The following SKI variants were observed in gnomAD, a reference collection of about 807,000 sequenced individuals.
The protein encoded by SKI is SKI proto-oncogene, also known as ski oncogene.
In SKI, 23 loss-of-function variants were observed where a neutral mutation model predicts 59.3. The observed-to-expected ratio is 0.39, with a 90% CI of 0.28 to 0.55. The LOEUF (loss-of-function observed/expected upper bound fraction) is 0.55, where lower values mean the gene tolerates loss of function less well. Among genes scored for constraint, SKI ranks in the 20% least tolerant of loss-of-function variants. The probability of loss-of-function intolerance (pLI) is 0.67; values close to 1 mark genes in which losing one functional copy is unlikely to be tolerated. For missense variants in SKI, 1,017 were observed against 1,038.9 expected (o/e 0.98, Z 0.29); for synonymous variants, 673 against 488.6 (o/e 1.38, Z -4.98).
rs767973122 is a variant in SKI, at chr1:2,229,189, G to A, written c.423G>A (p.Ala141=). ...LRDFSLQQIN[A]VCDELHIYCS... The stretch of plus-strand genomic sequence containing the variant: ...ACTTCTCGCTGCAGCAGATCAACGC[G>A]GTGTGCGACGAGCTCCACATCTACT... Residue 141 remains alanine (A), a synonymous_variant, in exon 1 of 7, where the codon GCG becomes GCA. Coordinates refer to ENST00000378536, the MANE Select transcript of SKI (RefSeq NM_003036.4). The surrounding 1 kb of genome is among the most constrained non-coding windows in gnomAD (Gnocchi z 6.3). 1.9e-6 allele frequency: 3 copies of A among 1,610,898 alleles called. No homozygotes were observed. In the South Asian group the frequency reaches 3.3e-5, roughly 18 times the overall value.
At chr1:2,231,731 C>T (rs1638642829) in intron 1 of SKI, among the ~76,000 whole-genome samples, 1 of 152,250 alleles carries the variant, frequency 6.6e-6, no homozygotes, top group African/African-American at 2.4e-5. Context: ...CAGCCTGGCC[C>T]TGGCAGTGGT....
chr1:2,260,475 T>C (rs2100837311), intron 1 of SKI, among the ~76,000 whole-genome samples: 1 of 151,996 alleles, frequency 6.6e-6, no homozygotes, highest in African/African-American at 2.4e-5. Context: ...TGAACGGTGT[T>C]TTTTGAAGAG....
At chr1:2,257,659 G>A (rs1236968454) in intron 1 of SKI, among the ~76,000 whole-genome samples, 2 of 152,164 alleles carry the variant, frequency 1.3e-5, no homozygotes, top group African/African-American at 2.4e-5. Context: ...CTTTCCTCAT[G>A]CTTTTGAATT....
At chr1:2,232,121 C>T (rs1384880332) in intron 1 of SKI, among the ~76,000 whole-genome samples, 1 of 152,256 alleles carries the variant, frequency 6.6e-6, no homozygotes, top group Non-Finnish European at 1.5e-5. Context: ...CCGTTGGCTC[C>T]TCCCACTCGT....
rs766957830 is a variant in SKI, at chr1:2,229,309, C to T, written c.543C>T (p.Asp181=). The T allele has an allele frequency of 6.3e-6, 10 of 1,595,346 alleles. No homozygotes were observed. Among genetic ancestry groups the T allele is most frequent in the African/African-American group, 4.0e-5 (3 of 74,514 alleles). ...CGTGCGGGCTCATCACCAAGACGGA[C>T]GCCGAGCGCCTGTGCAACGCGCTGC... ...APSCGLITKT[D]AERLCNALLY... is the part of the protein sequence containing the mutation. Residue 181 remains aspartate (D), a synonymous_variant, in exon 1 of 7, where the codon GAC becomes GAT. Transcript: ENST00000378536. This position sits in a 1 kb window ranked among gnomAD's most constrained non-coding sequence, Gnocchi z 6.3.
chr1:2,240,790 C>T, intron 1 of SKI: 2 of 985,442 alleles, frequency 2.0e-6, no homozygotes, highest in Non-Finnish European at 2.4e-6. Flanking sequence ...GTTCGTGAGT[C>T]AGGTGAGAGG....
intron 1 of SKI, among the ~76,000 whole-genome samples, chr1:2,288,253 C>T (rs927755334): frequency 9.9e-5 from 15 of 152,254 alleles, no homozygotes; most frequent in African/African-American, 3.4e-4. Flanking sequence ...TCCCAAATAG[C>T]TGGGATTACA....
At position 2,265,903 on chromosome 1, in the gene SKI, G is replaced by C. The variant is rs575056678; in HGVS notation, c.969+36168G>C. On this transcript the variant is annotated intron_variant, in intron 1 of 6. Coordinates refer to ENST00000378536, the MANE Select transcript of SKI (RefSeq NM_003036.4). ...GGATCATTTGAACCCGGGAGGTGGAGGTTGCAGTGAGCTTCAATCGCGCCA... is the reference window on the plus strand; with the variant it reads ...GGATCATTTGAACCCGGGAGGTGGACGTTGCAGTGAGCTTCAATCGCGCCA... 2.0e-5 allele frequency among the ~76,000 whole-genome samples: 3 copies of C among 152,210 alleles called. No homozygotes were observed. In the South Asian group the frequency reaches 6.2e-4, roughly 32 times the overall value.
chr1:2,259,537 T>A (rs1179485635), intron 1 of SKI, among the ~76,000 whole-genome samples: 1 of 152,222 alleles, frequency 6.6e-6, no homozygotes, highest in Non-Finnish European at 1.5e-5. Flanking sequence ...GCTGTGTAGT[T>A]ATTTTTTAAA....
Position 2,229,129 on chromosome 1 carries a change from G to T in SKI, c.363G>T (p.Leu121=). 3.1e-6 allele frequency: 5 copies of T among 1,611,330 alleles called. No homozygotes were observed. The highest frequency in any genetic ancestry group is 4.2e-6 in the Non-Finnish European group (5 of 1,179,892). ...SCFVVGGEKR[L]CLPQILNSVL... ...TCGTGGTGGGAGGCGAGAAGCGCCT[G>T]TGTCTGCCGCAGATTCTCAACTCGG... The change falls in exon 1 of 7, where the codon CTG becomes CTT. Residue 121 remains leucine, a synonymous_variant. Coordinates refer to ENST00000378536, the MANE Select transcript of SKI (RefSeq NM_003036.4). This position sits in a 1 kb window ranked among gnomAD's most constrained non-coding sequence, Gnocchi z 6.3.
chr1:2,306,307 C>T (rs1640576148), intron 6 of SKI, 57 bp downstream of exon 6: 11 of 1,429,800 alleles, frequency 7.7e-6, no homozygotes, highest in South Asian at 2.7e-5. Context: ...CCGCCGTGGG[C>T]CCCGGTGGCC....
Position 2,229,297 on chromosome 1 carries a change from C to A in SKI, c.531C>A (p.Ile177=). 1 of 1,596,414 alleles carries A rather than the reference C, an allele frequency of 6.3e-7. No homozygotes were observed. The highest frequency in any genetic ancestry group is 1.7e-5 in the Admixed American group (1 of 57,506). ...LPFSAPSCGL[I]TKTDAERLCN... ...TCTCGGCGCCCTCGTGCGGGCTCAT[C>A]ACCAAGACGGACGCCGAGCGCCTGT... Residue 177 remains isoleucine (I), a synonymous_variant, in exon 1 of 7, where the codon ATC becomes ATA. Coordinates refer to ENST00000378536, the MANE Select transcript of SKI (RefSeq NM_003036.4). This position sits in a 1 kb window ranked among gnomAD's most constrained non-coding sequence, Gnocchi z 6.3.
In SKI at chr1:2,229,758, G is replaced by A. The variant is rs1638589694; in HGVS notation, c.969+23G>A. On this transcript the variant is annotated intron_variant, in intron 1 of 6. Coordinates refer to ENST00000378536, the MANE Select transcript of SKI (RefSeq NM_003036.4). This position sits in a 1 kb window ranked among gnomAD's most constrained non-coding sequence, Gnocchi z 6.3. Reference sequence around the variant, plus strand: ...CGGGTGAGTGGCCCCAGGCCTGGGAGCTGGGGAGGATGCGCTTGGGGTGGG... The same window carrying A: ...CGGGTGAGTGGCCCCAGGCCTGGGAACTGGGGAGGATGCGCTTGGGGTGGG... 1 of 1,551,516 alleles carries A rather than the reference G, an allele frequency of 6.4e-7. No homozygotes were observed. Among genetic ancestry groups the A allele is most frequent in the South Asian group, 1.2e-5 (1 of 84,092 alleles).
At chr1:2,293,024 G>A (rs1422334869) in intron 1 of SKI, among the ~76,000 whole-genome samples, 1 of 152,154 alleles carries the variant, frequency 6.6e-6, no homozygotes, top group African/African-American at 2.4e-5. Context: ...GTTCTGTGGG[G>A]CTTCACTCCT....
chr1:2,270,669 C>T lies in SKI; in HGVS notation c.970-32309C>T, dbSNP rs890758518. ...ACCCAAGGTGAAAAGTTCAGGCTGT[C>T]CCTGCTCTCCAGAGGGGCTGGAGGT... On this transcript the variant is annotated intron_variant, in intron 1 of 6. Transcript: ENST00000378536. The surrounding 1 kb of genome is among the most constrained non-coding windows in gnomAD (Gnocchi z 4.1). Among the ~76,000 whole-genome samples the T allele has an allele frequency of 1.3e-5, 2 of 152,098 alleles. No individual in the cohort carries two copies. The highest frequency in any genetic ancestry group is 1.9e-4 in the East Asian group (1 of 5,202).
At chr1:2,288,985 G>GC (rs1402039876) in intron 1 of SKI, among the ~76,000 whole-genome samples, 1 of 152,218 alleles carries the variant, frequency 6.6e-6, no homozygotes, top group Non-Finnish European at 1.5e-5. Flanking sequence ...CAGGTCCCCG[G>GC]TGCCGCCTGG....
intron 1 of SKI, among the ~76,000 whole-genome samples, chr1:2,231,225 C>T (rs768438882): frequency 7.7e-4 from 117 of 151,750 alleles, no homozygotes; most frequent in Admixed American, 2.8e-3. Flanking sequence ...AGCCACATGT[C>T]GGGGGGGATT....
chr1:2,302,415 A>G (rs71630971), intron 1 of SKI, among the ~76,000 whole-genome samples: 4 of 152,230 alleles, frequency 2.6e-5, no homozygotes, highest in South Asian at 4.1e-4. Flanking sequence ...CCCACTCTTT[A>G]ATGCACCTGT....
In SKI at chr1:2,237,819, C is replaced by T. The variant is rs551056705; in HGVS notation, c.969+8084C>T. Reference sequence around the variant, plus strand: ...GAGGCCAGTCTGGCCGGGTGCTGAGCTCGTCCTGCAGAACACGCGTGAACG... The same window carrying T: ...GAGGCCAGTCTGGCCGGGTGCTGAGTTCGTCCTGCAGAACACGCGTGAACG... On this transcript the variant is annotated intron_variant, in intron 1 of 6. Transcript: ENST00000378536. 3.3e-5 allele frequency among the ~76,000 whole-genome samples: 5 copies of T among 152,352 alleles called. No homozygotes were observed. In the South Asian group the frequency reaches 1.0e-3, roughly 32 times the overall value.
Sources: allele counts gnomAD v4.1 joint callset (sites outside exome capture counted in the v4.1 genomes callset), GRCh38; gene constraint gnomAD v4.1.1; non-coding constraint Gnocchi (gnomAD v3.1); transcripts MANE v1.5; gene names NCBI Gene and HGNC (gene_info 2026-07-23, HGNC 2026-07-21).